The following EXOC5 variants were observed in gnomAD, a reference collection of about 807,000 sequenced individuals.
EXOC5 encodes exocyst complex component 5.
A neutral mutation model predicts 90.8 loss-of-function variants in EXOC5; 17 were observed. The ratio of observed to expected loss-of-function variants is 0.19; its 90% CI spans 0.13 to 0.28. The LOEUF is 0.28. EXOC5 is among the 10% of genes least tolerant of loss of function. EXOC5 has a pLI of 1.00. For missense variants in EXOC5, 569 were observed against 830.6 expected (o/e 0.69, Z 3.87); for synonymous variants, 260 against 270.0 (o/e 0.96, Z 0.36).
At chr14:57,257,300 G>A (rs1884375692) in intron 1 of EXOC5, among the ~76,000 whole-genome samples, 1 of 152,196 alleles carries the variant, frequency 6.6e-6, no homozygotes, top group Non-Finnish European at 1.5e-5. Context: ...TGAAACAAGA[G>A]TTTTGTTCCA....
Position 57,205,078 on chromosome 14 carries a change from G to A in EXOC5, c.*3531C>T, listed in dbSNP as rs758070808. The A allele has an allele frequency of 6.6e-6, 1 of 151,862 alleles. No individual in the cohort carries two copies. Among genetic ancestry groups the A allele is most frequent in the Non-Finnish European group, 1.5e-5 (1 of 67,848 alleles). The allele number at this position is 151,862 out of a possible 1,614,324, so 9.4% of individuals were successfully genotyped here. ...GCATTAGGTTTTTCATCTGTCAAAT[G>A]GAAATAATAGTACCCAAATCCTAGG... On this transcript the variant is annotated 3_prime_UTR_variant, in exon 18 of 18. Transcript: ENST00000621441.
intron 12 of EXOC5, among the ~76,000 whole-genome samples, 156 bp from the exon 13 acceptor site, chr14:57,222,572 C>T (rs1044972087): frequency 1.3e-5 from 2 of 151,490 alleles, no homozygotes; most frequent in Non-Finnish European, 3.0e-5. Context: ...TGCACAAATA[C>T]ACACACACAC....
intron 3 of EXOC5, among the ~76,000 whole-genome samples, chr14:57,244,904 G>A (rs931617766): frequency 7.2e-5 from 11 of 151,856 alleles, no homozygotes; most frequent in African/African-American, 2.7e-4. Context: ...GCTGAGGCAG[G>A]AGAATCGCTT....
In EXOC5 at chr14:57,246,863, C is replaced by G. The variant is rs201781600; in HGVS notation, c.123-5G>C. 71 of 1,545,664 alleles carry G rather than the reference C, an allele frequency of 4.6e-5. No homozygotes were observed. Among genetic ancestry groups the G allele is most frequent in the Admixed American group, 3.2e-4 (18 of 55,758 alleles). ...TTTACAAATTCTTCTAATAATCTAA[C>G]AGAGGAAAGTTTGAATATGTATCAA... On this transcript the variant is annotated splice_region_variant and splice_polypyrimidine_tract_variant and intron_variant, in intron 2 of 17. Coordinates refer to ENST00000621441, the MANE Select transcript of EXOC5 (RefSeq NM_006544.4).
At chr14:57,222,030 G>A (rs889683799) in intron 13 of EXOC5, among the ~76,000 whole-genome samples, 11 of 151,818 alleles carry the variant, frequency 7.2e-5, no homozygotes, top group African/African-American at 2.4e-4. Flanking sequence ...TTTGCTCCTC[G>A]ACATTTTCTA....
rs774251588 is a variant in EXOC5, at chr14:57,232,662, T to C, written c.938+5A>G. ...TCTATTATTTTCTAATCATTAAAAA[T>C]TTACCTTGTATACAGATCATAGAGA... On this transcript the variant is annotated splice_donor_5th_base_variant and intron_variant, in intron 10 of 17. Transcript: ENST00000621441. 1.6e-6 allele frequency: 2 copies of C among 1,264,884 alleles called. No homozygotes were observed. The highest frequency in any genetic ancestry group is 1.4e-5 in the South Asian group (1 of 69,350). The allele number at this position is 1,264,884 out of a possible 1,614,324, so 78.4% of individuals were successfully genotyped here.
At chr14:57,256,265 C>G (rs960958571) in intron 1 of EXOC5, among the ~76,000 whole-genome samples, 1 of 152,118 alleles carries the variant, frequency 6.6e-6, no homozygotes, top group Non-Finnish European at 1.5e-5. Flanking sequence ...ATGATCCTCT[C>G]AGGGATCTCT....
rs747394644 is a variant in EXOC5 at position 57,214,157 on chromosome 14, T to C, written c.1613+3825A>G. On this transcript the variant is annotated intron_variant, in intron 15 of 17. Coordinates refer to ENST00000621441, the MANE Select transcript of EXOC5 (RefSeq NM_006544.4). ...GTGGGGCATTGTGAGCCACCTACCA[T>C]TGGCATGTCCAGCCTACACACATGC... is the stretch of plus-strand genomic sequence containing the variant. Among the ~76,000 whole-genome samples the C allele has an allele frequency of 1.4e-4, 22 of 152,110 alleles. 1 individual carries two copies. In the East Asian group the frequency reaches 2.9e-3, roughly 20 times the overall value.
At chr14:57,265,531 T>G (rs1315246808) in intron 1 of EXOC5, among the ~76,000 whole-genome samples, 1 of 152,090 alleles carries the variant, frequency 6.6e-6, no homozygotes, top group Non-Finnish European at 1.5e-5. Flanking sequence ...AAGACCAGCC[T>G]GGGCAACATG....
intron 11 of EXOC5, among the ~76,000 whole-genome samples, chr14:57,231,297 C>T (rs1417074393): frequency 2.6e-5 from 4 of 152,122 alleles, no homozygotes; most frequent in Non-Finnish European, 4.4e-5. Context: ...GAGTGAGTTA[C>T]CACGCCCGGC....
chr14:57,233,684 T>C (rs1208650212), intron 9 of EXOC5, 59 bp downstream of exon 9: 11 of 1,052,988 alleles, frequency 1.0e-5, no homozygotes, highest in Non-Finnish European at 1.5e-5. Flanking sequence ...TTTTAAAATA[T>C]AGGGAAAAAA....
chr14:57,233,599 A>G, intron 9 of EXOC5, 144 bp downstream of exon 9: 1 of 570,276 alleles, frequency 1.8e-6, no homozygotes, highest in South Asian at 2.8e-5. Context: ...TTTAAAAAGC[A>G]TGAGGATTCC....
rs1255225971 is a variant in EXOC5 at position 57,208,667 on chromosome 14, G to A, written c.2069C>T (p.Ser690Phe). ...ATAATCAGCACGAAGTTGTACGAAG[G>A]AGTGAAGTATATTCTTGTCCAGATT... ...LANLDKNILH[S>F]FVQLRADYRS... Residue 690 changes from serine to phenylalanine, a missense_variant, in exon 18 of 18, where the codon TCC becomes TTC. Transcript: ENST00000621441. The A allele has an allele frequency of 5.0e-6, 8 of 1,611,914 alleles. No individual in the cohort carries two copies. Among genetic ancestry groups the A allele is most frequent in the Admixed American group, 1.7e-5 (1 of 59,968 alleles).
chr14:57,238,288 C>CT (rs1470015956), intron 5 of EXOC5, among the ~76,000 whole-genome samples: 1 of 129,750 alleles, frequency 7.7e-6, no homozygotes, highest in African/African-American at 2.8e-5. Flanking sequence ...ACATACTTCT[C>CT]TTATGGTTTT....
intron 15 of EXOC5, among the ~76,000 whole-genome samples, chr14:57,214,137 G>A (rs1882905661): frequency 6.6e-6 from 1 of 152,094 alleles, no homozygotes; most frequent in Non-Finnish European, 1.5e-5. Context: ...TGCACGTGGG[G>A]CATTGTGAGC....
At position 57,205,853 on chromosome 14, in the gene EXOC5, C is replaced by A; in HGVS notation, c.*2756G>T. 2.2e-6 allele frequency: 1 copy of A among 455,534 alleles called. No individual in the cohort carries two copies. The highest frequency in any genetic ancestry group is 4.4e-6 in the Non-Finnish European group (1 of 226,500). 28.2% of individuals were successfully genotyped at this position (455,534 alleles called of 1,614,324 possible). A position where few individuals can be genotyped will look rare whatever the true frequency, so the allele number is the denominator to read the frequency against. ...TTTAAAACAAGGAAGATCCTAAGGA[C>A]TTGCAACTATGGCAATCCTCAAAAT... is the stretch of plus-strand genomic sequence containing the variant. On this transcript the variant is annotated 3_prime_UTR_variant, in exon 18 of 18. Coordinates refer to ENST00000621441, the MANE Select transcript of EXOC5 (RefSeq NM_006544.4).
rs148417143 is a variant in EXOC5 at position 57,223,961 on chromosome 14, C to A, written c.1297-1545G>T. On this transcript the variant is annotated intron_variant, in intron 12 of 17. Coordinates refer to ENST00000621441, the MANE Select transcript of EXOC5 (RefSeq NM_006544.4). Reference sequence around the variant, plus strand: ...GAAACTAAATAACATATTTCTAAATCACGTTTGGGCCAGAACAAATCAAAA... The same window carrying A: ...GAAACTAAATAACATATTTCTAAATAACGTTTGGGCCAGAACAAATCAAAA... Among the ~76,000 whole-genome samples the A allele has an allele frequency of 5.2e-3, 787 of 152,142 alleles. 9 individuals are homozygous for A. The highest frequency in any genetic ancestry group is 0.018 in the African/African-American group (735 of 41,520).
At chr14:57,212,928 T>C (rs77160287) in intron 15 of EXOC5, among the ~76,000 whole-genome samples, 5,177 of 152,286 alleles carry the variant, frequency 0.034, 303 homozygotes, top group African/African-American at 0.12. Context: ...TTTAACTTTA[T>C]GCAGTGTTTT....
At chr14:57,268,573 G>A in intron 1 of EXOC5, 49 bp downstream of exon 1, 1 of 1,563,740 alleles carries the variant, frequency 6.4e-7, no homozygotes. Context: ...CCACCCAGCT[G>A]CCTGCAAACC....
Sources: gnomAD v4.1 joint callset for allele counts (sites outside exome capture counted in the v4.1 genomes callset) on GRCh38, gnomAD v4.1.1 for gene constraint, MANE v1.5 for transcripts, NCBI Gene and HGNC (gene_info 2026-07-23, HGNC 2026-07-21) for gene names.